Variants in KDM4C observed in about 807,000 individuals in gnomAD.
The protein encoded by KDM4C is lysine-specific demethylase 4C.
A neutral mutation model predicts 129.3 loss-of-function variants in KDM4C; 81 were observed. That is an observed-to-expected ratio of 0.63 (90% CI 0.52 to 0.75). KDM4C has a LOEUF of 0.75. Among genes scored for constraint, KDM4C ranks in the 30% least tolerant of loss-of-function variants. KDM4C has a pLI of 0.00. For missense variants in KDM4C, 1,457 were observed against 1,304.0 expected, an observed-to-expected ratio of 1.12 and a Z score of -1.81; for synonymous variants, 573 against 456.1, an observed-to-expected ratio of 1.26 and a Z score of -3.26.
chr9:6,964,707 G>A lies in KDM4C; in HGVS notation c.922-16218G>A, dbSNP rs1410848332. 1.1e-4 allele frequency among the ~76,000 whole-genome samples: 16 copies of A among 150,082 alleles called. 1 individual carries two copies. The highest frequency in any genetic ancestry group is 2.9e-4 in the African/African-American group (12 of 40,940). On this transcript the variant is annotated intron_variant, in intron 8 of 21. Transcript: ENST00000381309. ...TGAGGCAGGAGAATGGCGTGAACCCGGGAGGTGGAGCTTGCAGTGAGCCGA... is the reference window on the plus strand; with the variant it reads ...TGAGGCAGGAGAATGGCGTGAACCCAGGAGGTGGAGCTTGCAGTGAGCCGA...
intron 17 of KDM4C, among the ~76,000 whole-genome samples, chr9:7,094,289 C>T (rs1836153458): frequency 6.6e-6 from 1 of 152,164 alleles, no homozygotes; most frequent in African/African-American, 2.4e-5. Context: ...GCCTGTTTTA[C>T]TACCTTTTGT....
chr9:6,974,604 C>G (rs147543224), intron 8 of KDM4C, among the ~76,000 whole-genome samples: 1 of 152,140 alleles, frequency 6.6e-6, no homozygotes, highest in Non-Finnish European at 1.5e-5. Flanking sequence ...GTGCTCTGCC[C>G]GCTTCGGCCT....
At chr9:7,130,406 A>G (rs1032043308) in intron 19 of KDM4C, among the ~76,000 whole-genome samples, 2 of 152,180 alleles carry the variant, frequency 1.3e-5, no homozygotes, top group Admixed American at 1.3e-4. Flanking sequence ...AATGTTTGAA[A>G]TCCTGCAAGT....
intron 2 of KDM4C, 51 bp from the exon 3 acceptor site, chr9:6,805,548 T>G (rs764151443): frequency 4.2e-5 from 55 of 1,309,244 alleles, no homozygotes; most frequent in Non-Finnish European, 5.6e-5. Context: ...AAAAGCTAAA[T>G]TACTTGGAGT....
At chr9:6,934,676 A>G (rs987879158) in intron 8 of KDM4C, among the ~76,000 whole-genome samples, 1 of 151,544 alleles carries the variant, frequency 6.6e-6, no homozygotes, top group African/African-American at 2.4e-5. Flanking sequence ...GTTGGCCAGG[A>G]TGGTCTCAAT....
At chr9:6,774,698 A>T (rs1430040670) in intron 1 of KDM4C, among the ~76,000 whole-genome samples, 1 of 152,160 alleles carries the variant, frequency 6.6e-6, no homozygotes. Context: ...TTTCTTGCAG[A>T]TATTTATAGA....
intron 15 of KDM4C, among the ~76,000 whole-genome samples, chr9:7,024,098 A>T (rs930747116): frequency 5.4e-4 from 82 of 152,300 alleles, no homozygotes; most frequent in African/African-American, 1.9e-3. Context: ...AAGAATGTGT[A>T]TCCTGTGACC....
At chr9:6,818,103 G>T (rs1160757639) in intron 4 of KDM4C, among the ~76,000 whole-genome samples, 2 of 152,076 alleles carry the variant, frequency 1.3e-5, no homozygotes, top group Non-Finnish European at 2.9e-5. Flanking sequence ...TGGTCTTTCT[G>T]TTTTATGTGA....
At chr9:7,069,540 C>T (rs1259246638) in intron 17 of KDM4C, among the ~76,000 whole-genome samples, 1 of 152,176 alleles carries the variant, frequency 6.6e-6, no homozygotes, top group Non-Finnish European at 1.5e-5. Flanking sequence ...AAACAAAAAA[C>T]TTTAAATTTT....
At chr9:6,984,458 A>T in intron 10 of KDM4C, 54 bp downstream of exon 10, 2 of 1,156,464 alleles carry the variant, frequency 1.7e-6, no homozygotes, top group Non-Finnish European at 2.6e-6. Flanking sequence ...GTTGATGATC[A>T]GATGTCTTAA....
intron 1 of KDM4C, among the ~76,000 whole-genome samples, chr9:6,725,005 C>T (rs953423791): frequency 2.0e-5 from 3 of 152,114 alleles, no homozygotes; most frequent in Admixed American, 1.3e-4. Context: ...GTTTCCTTGC[C>T]TTTTCCAGTT....
At chr9:6,781,384 G>GT (rs58921729) in intron 1 of KDM4C, among the ~76,000 whole-genome samples, 213 of 144,644 alleles carry the variant, frequency 1.5e-3, no homozygotes, top group Non-Finnish European at 2.0e-3. Context: ...TGTTTTTTGT[G>GT]TTTTTTTTTT....
At chr9:6,928,717 C>T (rs1280084189) in intron 8 of KDM4C, among the ~76,000 whole-genome samples, 1 of 151,928 alleles carries the variant, frequency 6.6e-6, no homozygotes, top group African/African-American at 2.4e-5. Flanking sequence ...ACTTTGCTTG[C>T]TGCATTCTTA....
intron 5 of KDM4C, among the ~76,000 whole-genome samples, chr9:6,861,333 T>C (rs951665439): frequency 2.6e-5 from 4 of 152,244 alleles, no homozygotes; most frequent in African/African-American, 9.6e-5. Flanking sequence ...TCACAACTTG[T>C]ATGTCATAGA....
intron 5 of KDM4C, 115 bp downstream of exon 5, chr9:6,849,815 A>G: frequency 2.3e-6 from 2 of 854,202 alleles, no homozygotes; most frequent in East Asian, 2.5e-5. Context: ...TGTGAGCTGT[A>G]AGGAAGTTTT....
intron 8 of KDM4C, among the ~76,000 whole-genome samples, chr9:6,946,388 G>A (rs892236888): frequency 1.3e-5 from 2 of 151,698 alleles, no homozygotes; most frequent in African/African-American, 2.4e-5. Flanking sequence ...TCTTCACATC[G>A]CAGTAATTTT....
chr9:6,814,526 G>A (rs768961908), intron 3 of KDM4C, 105 bp from the exon 4 acceptor site: 108 of 616,062 alleles, frequency 1.8e-4, no homozygotes, highest in Non-Finnish European at 2.7e-4. Flanking sequence ...CAGTATTTTC[G>A]TTTTGGTAGG....
intron 2 of KDM4C, among the ~76,000 whole-genome samples, chr9:6,798,962 C>T (rs969992287): frequency 5.4e-5 from 8 of 147,872 alleles, no homozygotes; most frequent in East Asian, 2.0e-4. Context: ...ACATCCCAGA[C>T]GATGGGTGGC....
intron 19 of KDM4C, among the ~76,000 whole-genome samples, chr9:7,162,079 A>G (rs906224657): frequency 6.6e-5 from 10 of 152,234 alleles, no homozygotes; most frequent in Non-Finnish European, 2.9e-5. Context: ...TAATCAAAAT[A>G]TATGTCCTTC....
Sources: gnomAD v4.1 joint callset for allele counts (sites outside exome capture counted in the v4.1 genomes callset) on GRCh38, gnomAD v4.1.1 for gene constraint, MANE v1.5 for transcripts, NCBI Gene and HGNC (gene_info 2026-07-23, HGNC 2026-07-21) for gene names.